Variants in HIPK4 observed in about 807,000 individuals in gnomAD.
HIPK4 encodes homeodomain interacting protein kinase 4, also known as homeodomain-interacting protein kinase 4.
Under a neutral mutation model 44.8 loss-of-function variants are expected in HIPK4, and 26 were observed. The observed-to-expected ratio is 0.58, with a 90% CI of 0.43 to 0.80. The LOEUF (loss-of-function observed/expected upper bound fraction) is 0.80. HIPK4 is among the 30% of genes least tolerant of loss of function. The pLI is 0.00. For missense variants in HIPK4, 729 were observed against 862.6 expected (o/e 0.85, Z 1.94); for synonymous variants, 340 against 355.5 (o/e 0.96, Z 0.49).
rs1282683929 is a variant in HIPK4 at position 40,380,885 on chromosome 19, T to C, written c.1106A>G (p.Tyr369Cys). 1.2e-6 allele frequency: 2 copies of C among 1,607,238 alleles called. No individual in the cohort carries two copies. The highest frequency in any genetic ancestry group is 2.2e-5 in the South Asian group (2 of 90,986). ...THYYQLSLRS[Y>C]RLSLQVEGKP... The stretch of plus-strand genomic sequence containing the variant: ...CCCCTCCACTTGCAGCGAGAGGCGG[T>C]AGCTGCGCAGCGAGAGCTGGTAGTA... Residue 369 changes from tyrosine to cysteine, a missense_variant, in exon 3 of 4, where the codon TAC becomes TGC. Around this residue, in one of 2 missense-constraint regions of HIPK4, gnomAD observed 533 missense variants for 567.5 expected, o/e 0.94. Coordinates refer to ENST00000291823, the MANE Select transcript of HIPK4 (RefSeq NM_144685.5). This position sits in a 1 kb window ranked among gnomAD's most constrained non-coding sequence, Gnocchi z 4.2.
intron 2 of HIPK4, among the ~76,000 whole-genome samples, chr19:40,382,969 C>T (rs1343990001): frequency 6.6e-6 from 1 of 150,836 alleles, no homozygotes; most frequent in Non-Finnish European, 1.5e-5. Context: ...ATCTCTTGAA[C>T]CTGGGAGGCA....
Position 40,380,828 on chromosome 19 carries a change from T to C in HIPK4, c.1163A>G (p.Asp388Gly). ...KPPTPVVAAE[D>G]GTPYYCLAEE... Reference sequence around the variant, plus strand: ...AGCCAGACAGTAGTAGGGGGTCCCATCTTCTGCGGCCACGACGGGCGTGGG... The same window carrying C: ...AGCCAGACAGTAGTAGGGGGTCCCACCTTCTGCGGCCACGACGGGCGTGGG... The change falls in exon 3 of 4, where the codon GAT (aspartate) becomes GGT (glycine). Residue 388 changes from aspartate (D) to glycine (G), a missense_variant. Asp to Gly is a moderately conservative substitution (Grantham distance 94). Transcript: ENST00000291823. The surrounding 1 kb of genome is among the most constrained non-coding windows in gnomAD (Gnocchi z 4.2). 6.2e-7 allele frequency: 1 copy of C among 1,611,214 alleles called. No homozygotes were observed. Among genetic ancestry groups the C allele is most frequent in the Non-Finnish European group, 8.5e-7 (1 of 1,177,606 alleles).
Position 40,379,378 on chromosome 19 carries a change from T to C in HIPK4, c.*209A>G. The C allele has an allele frequency of 1.9e-6, 1 of 540,154 alleles. No homozygotes were observed. The highest frequency in any genetic ancestry group is 3.4e-5 in the East Asian group (1 of 29,356). The allele number at this position is 540,154 out of a possible 1,614,324, so 33.5% of individuals were successfully genotyped here. A position where few individuals can be genotyped will look rare whatever the true frequency, so the allele number is the denominator to read the frequency against. On this transcript the variant is annotated 3_prime_UTR_variant, in exon 4 of 4. Transcript: ENST00000291823. ...CTGCTGTCCTTCTGGCCAAGGAGCA[T>C]GGGCCAGACTCCAAAGCCCTGCTGT...
At chr19:40,385,141 C>A (rs568970099) in intron 1 of HIPK4, among the ~76,000 whole-genome samples, 2 of 152,326 alleles carry the variant, frequency 1.3e-5, no homozygotes, top group East Asian at 3.9e-4. Flanking sequence ...TCCTTTCCAA[C>A]CTAGACCAAC....
At position 40,385,789 on chromosome 19, in the gene HIPK4, C is replaced by T. The variant is rs546208909; in HGVS notation, c.466-1650G>A. On this transcript the variant is annotated intron_variant, in intron 1 of 3. Transcript: ENST00000291823. The stretch of plus-strand genomic sequence containing the variant: ...ATGGTGCAATCTTGGCTCACTGCAA[C>T]CTCCTCCTCCCAGGTTCCAGTGATT... 1.4e-3 allele frequency among the ~76,000 whole-genome samples: 200 copies of T among 143,338 alleles called. 1 individual carries two copies. Among genetic ancestry groups the T allele is most frequent in the African/African-American group, 4.9e-3 (190 of 38,786 alleles). 94.0% of individuals were successfully genotyped at this position (143,338 alleles called of 152,430 possible).
chr19:40,384,142 G>T lies in HIPK4; in HGVS notation c.466-3C>A. 1 of 1,565,890 alleles carries T rather than the reference G, an allele frequency of 6.4e-7. No individual in the cohort carries two copies. The highest frequency in any genetic ancestry group is 1.2e-5 in the South Asian group (1 of 83,920). On this transcript the variant is annotated splice_polypyrimidine_tract_variant and splice_region_variant and intron_variant, in intron 1 of 3. Transcript: ENST00000291823. ...CTGGCGGATCCGAAGTCAATCACCT[G>T]TCGGGGGTGGGGAAGAGGGCGAGTG...
In HIPK4 at chr19:40,390,168, C is replaced by T. The variant is rs545627610; in HGVS notation, c.-266G>A. On this transcript the variant is annotated 5_prime_UTR_variant, in exon 1 of 4. Coordinates refer to ENST00000291823, the MANE Select transcript of HIPK4 (RefSeq NM_144685.5). ...GCCCCAGGCCCCACCGAATGGGTTCCAGCGCTGTTGAGTGGCTCTGGTTCT... is the reference window on the plus strand; with the variant it reads ...GCCCCAGGCCCCACCGAATGGGTTCTAGCGCTGTTGAGTGGCTCTGGTTCT... The T allele has an allele frequency of 9.4e-5, 47 of 501,438 alleles. No homozygotes were observed. The highest frequency in any genetic ancestry group is 3.3e-5 in the Non-Finnish European group (9 of 275,818). The allele number at this position is 501,438 out of a possible 1,614,324, so 31.1% of individuals were successfully genotyped here.
rs750281773 is a variant in HIPK4, at chr19:40,389,858, C to T, written c.45G>A (p.Glu15=). 1.2e-5 allele frequency: 19 copies of T among 1,612,750 alleles called. No homozygotes were observed. In the South Asian group the frequency reaches 1.8e-4, roughly 15 times the overall value. Residue 15 remains glutamate, a synonymous_variant, in exon 1 of 4, where the codon GAG becomes GAA. Transcript: ENST00000291823. This position sits in a 1 kb window ranked among gnomAD's most constrained non-coding sequence, Gnocchi z 4.6. ...QSETDCYDII[E]VLGKGTFGEV... ...CCCCGAAGGTCCCCTTGCCCAAGAC[C>T]TCGATGATGTCGTAGCAGTCAGTCT...
At chr19:40,388,035 G>C in intron 1 of HIPK4, among the ~76,000 whole-genome samples, 1 of 127,002 alleles carries the variant, frequency 7.9e-6, no homozygotes, top group Admixed American at 9.2e-5. Flanking sequence ...TTTTTTCTGA[G>C]ACAGAGGGAC....
rs56117722 is a variant in HIPK4, at chr19:40,380,730, C to A, written c.1261G>T (p.Gly421Cys). 2 of 1,614,158 alleles carry A rather than the reference C, an allele frequency of 1.2e-6. No homozygotes were observed. The highest frequency in any genetic ancestry group is 2.2e-5 in the South Asian group (2 of 91,086). The change falls in exon 3 of 4, where the codon GGT becomes TGT. Residue 421 changes from glycine (G) to cysteine (C), a missense_variant. Gly to Cys is a radical substitution (Grantham distance 159, BLOSUM62 -3). Around this residue, in one of 2 missense-constraint regions of HIPK4, gnomAD observed 533 missense variants for 567.5 expected, o/e 0.94. Coordinates refer to ENST00000291823, the MANE Select transcript of HIPK4 (RefSeq NM_144685.5). This position sits in a 1 kb window ranked among gnomAD's most constrained non-coding sequence, Gnocchi z 4.2. ...SPFFREEKAP[G>C]MQRAIDQLDD... is the part of the protein sequence containing the mutation. ...AGCTGGTCGATGGCTCTTTGCATAC[C>A]TGGTGCCTTCTCCTCTCGGAAGAAG...
Position 40,389,114 on chromosome 19 carries a change from C to T in HIPK4, c.465+324G>A, listed in dbSNP as rs1461366946. 6.7e-6 allele frequency among the ~76,000 whole-genome samples: 1 copy of T among 149,910 alleles called. No individual in the cohort carries two copies. The highest frequency in any genetic ancestry group is 2.5e-5 in the African/African-American group (1 of 40,568). On this transcript the variant is annotated intron_variant, in intron 1 of 3. Coordinates refer to ENST00000291823, the MANE Select transcript of HIPK4 (RefSeq NM_144685.5). The surrounding 1 kb of genome is among the most constrained non-coding windows in gnomAD (Gnocchi z 4.6). Reference sequence around the variant, plus strand: ...AGGAGAATCGCTTGAACCCGGGAGGCGGAGGCAGTGAACCAAGATCATGCC... The same window carrying T: ...AGGAGAATCGCTTGAACCCGGGAGGTGGAGGCAGTGAACCAAGATCATGCC...
rs750273065 is a variant in HIPK4 at position 40,389,910 on chromosome 19, C to A, written c.-8G>T. 1.1e-5 allele frequency: 17 copies of A among 1,598,382 alleles called. No homozygotes were observed. The highest frequency in any genetic ancestry group is 1.4e-5 in the Non-Finnish European group (17 of 1,176,214). Reference sequence around the variant, plus strand: ...CGACTGGATGGTGGACATGGTGCCGCTGCTGCCAGACACCGCCCTGCCCAG... The same window carrying A: ...CGACTGGATGGTGGACATGGTGCCGATGCTGCCAGACACCGCCCTGCCCAG... On this transcript the variant is annotated 5_prime_UTR_variant, in exon 1 of 4. Transcript: ENST00000291823. This position sits in a 1 kb window ranked among gnomAD's most constrained non-coding sequence, Gnocchi z 4.6.
Position 40,389,803 on chromosome 19 carries a change from C to A in HIPK4, c.100G>T (p.Gly34Cys). The A allele has an allele frequency of 6.2e-7, 1 of 1,614,110 alleles. No homozygotes were observed. Among genetic ancestry groups the A allele is most frequent in the African/African-American group, 1.3e-5 (1 of 75,050 alleles). Residue 34 changes from glycine (G) to cysteine (C), a missense_variant, in exon 1 of 4, where the codon GGC becomes TGC. Physicochemically the swap from Gly to Cys is radical, Grantham distance 159. Transcript: ENST00000291823. This position sits in a 1 kb window ranked among gnomAD's most constrained non-coding sequence, Gnocchi z 4.6. The part of the protein sequence containing the change: ...EVAKGWRRST[G>C]EMVAIKILKN... Reference sequence around the variant, plus strand: ...AGGATCTTGATGGCCACCATCTCGCCCGTGCTCCGCCGCCAGCCCTTGGCT... The same window carrying A: ...AGGATCTTGATGGCCACCATCTCGCACGTGCTCCGCCGCCAGCCCTTGGCT...
chr19:40,382,479 C>T (rs982767853), intron 2 of HIPK4, among the ~76,000 whole-genome samples: 9 of 152,122 alleles, frequency 5.9e-5, no homozygotes, highest in South Asian at 2.1e-4. Context: ...TTGCTGACCC[C>T]GGAGCTGAAG....
At chr19:40,381,479 C>T (rs935808376) in intron 2 of HIPK4, among the ~76,000 whole-genome samples, 2 of 152,218 alleles carry the variant, frequency 1.3e-5, no homozygotes, top group Non-Finnish European at 2.9e-5. Context: ...GGAATCAAAT[C>T]CAGGTCCCTC....
Position 40,384,199 on chromosome 19 carries a change from G to A in HIPK4, c.466-60C>T, listed in dbSNP as rs559400579. Reference sequence around the variant, plus strand: ...TCAAGCAGCAGGGACAGCCGAGCTGGGCCACCCCGGCATCTTTCACCTGGC... The same window carrying A: ...TCAAGCAGCAGGGACAGCCGAGCTGAGCCACCCCGGCATCTTTCACCTGGC... On this transcript the variant is annotated intron_variant, in intron 1 of 3. Transcript: ENST00000291823. The A allele has an allele frequency of 1.3e-5, 17 of 1,341,090 alleles. No homozygotes were observed. In the East Asian group the frequency reaches 2.8e-4, roughly 22 times the overall value. The allele number at this position is 1,341,090 out of a possible 1,614,324, so 83.1% of individuals were successfully genotyped here.
rs1193420779 is a variant in HIPK4 at position 40,383,811 on chromosome 19, G to A, written c.794C>T (p.Ser265Phe). The change falls in exon 2 of 4, where the codon TCC becomes TTC. Residue 265 changes from serine to phenylalanine, a missense_variant. By Grantham distance (155) the Ser-to-Phe change is radical. Around this residue, in one of 2 missense-constraint regions of HIPK4, gnomAD observed 533 missense variants for 567.5 expected, o/e 0.94. Transcript: ENST00000291823. ...CGTCTCGGCCAGGTAGTCAGCCGAG[G>A]ACTTGAGCTGCCAGGGGTTGGCAGC... Reference protein sequence around the residue: ...PDAANPWQLKSSADYLAETKV... With the variant: ...PDAANPWQLKFSADYLAETKV... 1.2e-5 allele frequency: 20 copies of A among 1,612,928 alleles called. No individual in the cohort carries two copies. Among genetic ancestry groups the A allele is most frequent in the Non-Finnish European group, 1.6e-5 (19 of 1,179,076 alleles).
At chr19:40,388,976 G>GT (rs2079375161) in intron 1 of HIPK4, among the ~76,000 whole-genome samples, 1 of 152,022 alleles carries the variant, frequency 6.6e-6, no homozygotes, top group Admixed American at 6.6e-5. Context: ...AAGGTCAGGA[G>GT]TTTGAGACCA....
chr19:40,389,956 G>A lies in HIPK4; in HGVS notation c.-54C>T. 1 of 1,400,986 alleles carries A rather than the reference G, an allele frequency of 7.1e-7. No individual in the cohort carries two copies. Among genetic ancestry groups the A allele is most frequent in the South Asian group, 1.2e-5 (1 of 81,390 alleles). 86.8% of individuals were successfully genotyped at this position (1,400,986 alleles called of 1,614,324 possible). ...CCCAGGCCCCTGTACCACTGGCTCT[G>A]CCGCCCAGGCCTCCCGCCTGGCTGC... On this transcript the variant is annotated 5_prime_UTR_variant, in exon 1 of 4. Coordinates refer to ENST00000291823, the MANE Select transcript of HIPK4 (RefSeq NM_144685.5). This position sits in a 1 kb window ranked among gnomAD's most constrained non-coding sequence, Gnocchi z 4.6.
Sources: gnomAD v4.1 joint callset for allele counts (sites outside exome capture counted in the v4.1 genomes callset) on GRCh38, gnomAD v4.1.1 for gene constraint, gnomAD v4.1.1 regional missense constraint, Gnocchi (gnomAD v3.1) non-coding constraint, MANE v1.5 for transcripts, NCBI Gene and HGNC (gene_info 2026-07-23, HGNC 2026-07-21) for gene names.